The following KCNIP4 variants were observed in gnomAD, a reference collection of about 807,000 sequenced individuals.
The protein encoded by KCNIP4 is Kv channel-interacting protein 4.
A neutral mutation model predicts 34.0 loss-of-function variants in KCNIP4; 12 were observed. The ratio of observed to expected loss-of-function variants is 0.35; its 90% confidence interval spans 0.23 to 0.57. The LOEUF (loss-of-function observed/expected upper bound fraction) is 0.57. KCNIP4 is among the 20% of genes least tolerant of loss of function. The pLI is 0.83. For synonymous variants in KCNIP4, 124 were observed against 102.2 expected (o/e 1.21, Z -1.29); for missense variants, 238 against 311.7 (o/e 0.76, Z 1.78).
Position 21,434,766 on chromosome 4 carries a change from G to T in KCNIP4, c.61+513805C>A, listed in dbSNP as rs545464634. ...CCCCCCTCCCCACAACCCTGTCTGTGGGGGGAAAAAAAAAAAAAAAGGCTT... is the reference window on the plus strand; with the variant it reads ...CCCCCCTCCCCACAACCCTGTCTGTTGGGGGAAAAAAAAAAAAAAAGGCTT... On this transcript the variant is annotated intron_variant, in intron 1 of 8. Transcript: ENST00000382152. Among the ~76,000 whole-genome samples, 7 of 132,240 alleles carry T rather than the reference G, an allele frequency of 5.3e-5. No homozygotes were observed. In the South Asian group the frequency reaches 1.8e-3, roughly 34 times the overall value. 86.8% of individuals were successfully genotyped at this position (132,240 alleles called of 152,430 possible).
intron 1 of KCNIP4, among the ~76,000 whole-genome samples, chr4:21,792,564 A>G (rs1282447463): frequency 2.6e-5 from 4 of 152,222 alleles, no homozygotes; most frequent in Non-Finnish European, 2.9e-5. Flanking sequence ...AAAACTCACT[A>G]GATGGAGAAT....
chr4:21,101,732 T>C (rs1332355437), intron 1 of KCNIP4, among the ~76,000 whole-genome samples: 2 of 152,188 alleles, frequency 1.3e-5, no homozygotes, highest in East Asian at 1.9e-4. Flanking sequence ...ATAAATTTTA[T>C]TGCAGTAAAG....
chr4:21,279,228 A>T (rs1447167715), intron 1 of KCNIP4, among the ~76,000 whole-genome samples: 2 of 152,172 alleles, frequency 1.3e-5, no homozygotes, highest in African/African-American at 4.8e-5. Flanking sequence ...TTTCAAGGAA[A>T]TTGCATCTAT....
At chr4:21,000,343 T>C (rs912248623) in intron 1 of KCNIP4, among the ~76,000 whole-genome samples, 7 of 151,524 alleles carry the variant, frequency 4.6e-5, no homozygotes, top group African/African-American at 1.7e-4. Context: ...AAAGCATAGA[T>C]CAAGTCATGT....
At chr4:21,886,562 G>T (rs774649569) in intron 1 of KCNIP4, among the ~76,000 whole-genome samples, 1 of 152,056 alleles carries the variant, frequency 6.6e-6, no homozygotes, top group Non-Finnish European at 1.5e-5. Flanking sequence ...TCCCACAGGG[G>T]GTGAGAGACA....
chr4:21,187,956 T>C (rs1755362855), intron 1 of KCNIP4, among the ~76,000 whole-genome samples: 1 of 152,216 alleles, frequency 6.6e-6, no homozygotes, highest in Admixed American at 6.5e-5. Flanking sequence ...ACTTCAGTTT[T>C]ATCATCTGTC....
chr4:21,179,744 C>CA (rs144009418), intron 1 of KCNIP4, among the ~76,000 whole-genome samples: 1,954 of 152,186 alleles, frequency 0.013, 51 homozygotes, highest in African/African-American at 0.045. Context: ...AAACTTCATA[C>CA]AAAAAAACTT....
intron 1 of KCNIP4, among the ~76,000 whole-genome samples, chr4:21,807,895 T>C (rs980404395): frequency 2.6e-5 from 4 of 152,188 alleles, no homozygotes; most frequent in South Asian, 4.1e-4. Context: ...GTAATATATA[T>C]GTAAAACTTT....
At chr4:21,774,740 G>T (rs1719057142) in intron 1 of KCNIP4, among the ~76,000 whole-genome samples, 1 of 151,964 alleles carries the variant, frequency 6.6e-6, no homozygotes. Context: ...CAATTCATCT[G>T]TTCACACTTG....
At chr4:21,011,447 G>C (rs576227507) in intron 1 of KCNIP4, among the ~76,000 whole-genome samples, 2 of 152,162 alleles carry the variant, frequency 1.3e-5, no homozygotes, top group South Asian at 4.1e-4. Context: ...CCATCCTCCT[G>C]TGTATGGTAT....
At chr4:20,971,307 T>C (rs1265610515) in intron 1 of KCNIP4, among the ~76,000 whole-genome samples, 2 of 152,104 alleles carry the variant, frequency 1.3e-5, no homozygotes, top group African/African-American at 4.8e-5. Flanking sequence ...ATCAGACAAG[T>C]ATGTTGATTT....
intron 3 of KCNIP4, among the ~76,000 whole-genome samples, chr4:20,847,910 T>C (rs986730706): frequency 6.6e-6 from 1 of 152,146 alleles, no homozygotes; most frequent in Non-Finnish European, 1.5e-5. Flanking sequence ...GAGTTTGTGA[T>C]CTTAAGGGCT....
chr4:20,754,328 C>A (rs1560439120), intron 4 of KCNIP4, among the ~76,000 whole-genome samples: 1 of 152,136 alleles, frequency 6.6e-6, no homozygotes, highest in Non-Finnish European at 1.5e-5. Context: ...TAAGACAAAG[C>A]ACTTTCCTGG....
intron 1 of KCNIP4, among the ~76,000 whole-genome samples, chr4:21,262,115 C>A (rs1000032027): frequency 6.6e-6 from 1 of 152,158 alleles, no homozygotes; most frequent in Admixed American, 6.6e-5. Flanking sequence ...TCTTTCCTAT[C>A]GCAATGACTT....
At chr4:21,289,797 G>A (rs1763329060) in intron 1 of KCNIP4, among the ~76,000 whole-genome samples, 1 of 152,096 alleles carries the variant, frequency 6.6e-6, no homozygotes. Flanking sequence ...GCTGCTGCTA[G>A]GGAAATAAAA....
At chr4:21,608,199 A>G (rs1743865278) in intron 1 of KCNIP4, among the ~76,000 whole-genome samples, 1 of 152,224 alleles carries the variant, frequency 6.6e-6, no homozygotes, top group Non-Finnish European at 1.5e-5. Context: ...AAGCTTAAAG[A>G]AACACAAATT....
intron 1 of KCNIP4, among the ~76,000 whole-genome samples, chr4:21,190,401 T>C (rs1456883058): frequency 1.3e-5 from 2 of 151,680 alleles, no homozygotes; most frequent in African/African-American, 4.8e-5. Context: ...TAATATGATT[T>C]CAAGTATGGA....
At chr4:20,742,482 A>G (rs577312997) in intron 5 of KCNIP4, among the ~76,000 whole-genome samples, 5 of 152,356 alleles carry the variant, frequency 3.3e-5, no homozygotes, top group African/African-American at 4.8e-5. Flanking sequence ...GATTATCTCA[A>G]CAGACACAGA....
intron 1 of KCNIP4, among the ~76,000 whole-genome samples, chr4:21,083,803 A>C (rs976880049): frequency 6.6e-6 from 1 of 151,954 alleles, no homozygotes; most frequent in Non-Finnish European, 1.5e-5. Context: ...AGTCACAGGA[A>C]ACTAGCACAA....
Sources: gnomAD v4.1 joint callset for allele counts (sites outside exome capture counted in the v4.1 genomes callset) on GRCh38, gnomAD v4.1.1 for gene constraint, MANE v1.5 for transcripts, NCBI Gene and HGNC (gene_info 2026-07-23, HGNC 2026-07-21) for gene names.